Variants in GNAQ observed in about 807,000 individuals in gnomAD.
GNAQ encodes the protein guanine nucleotide-binding protein G(q) subunit alpha.
Under a neutral mutation model 43.9 loss-of-function variants are expected in GNAQ, and 8 were observed. That is an observed-to-expected ratio of 0.18 (90% CI 0.11 to 0.33). The LOEUF (loss-of-function observed/expected upper bound fraction) is 0.33, where lower values mean the gene tolerates loss of function less well. Ranked by LOEUF, GNAQ falls within the 10% of genes least tolerant of loss-of-function variation. The pLI, the probability that GNAQ is intolerant of heterozygous loss-of-function variation, is 1.00. For missense variants in GNAQ, 158 were observed against 450.8 expected, an observed-to-expected ratio of 0.35 and a Z score of 5.88; for synonymous variants, 155 against 170.7, an observed-to-expected ratio of 0.91 and a Z score of 0.71.
At chr9:77,824,874 A>C (rs1827169295) in intron 2 of GNAQ, among the ~76,000 whole-genome samples, 1 of 152,214 alleles carries the variant, frequency 6.6e-6, no homozygotes. Context: ...TACATGCATA[A>C]GAAAACCTGG....
At chr9:77,823,717 A>C (rs1827149726) in intron 2 of GNAQ, among the ~76,000 whole-genome samples, 1 of 152,172 alleles carries the variant, frequency 6.6e-6, no homozygotes, top group South Asian at 2.1e-4. Context: ...TTAAACGATC[A>C]GATCTCATGA....
chr9:77,880,443 T>C (rs1828189625), intron 2 of GNAQ, among the ~76,000 whole-genome samples: 1 of 152,166 alleles, frequency 6.6e-6, no homozygotes, highest in Admixed American at 6.5e-5. Flanking sequence ...TGCAGTGTTG[T>C]GATCCTAGCT....
At chr9:77,775,166 T>C (rs1826287990) in intron 5 of GNAQ, among the ~76,000 whole-genome samples, 1 of 152,184 alleles carries the variant, frequency 6.6e-6, no homozygotes, top group South Asian at 2.1e-4. Flanking sequence ...TCTGAATTTG[T>C]TAATCGATTT....
At chr9:77,802,628 T>C (rs183425961) in intron 3 of GNAQ, among the ~76,000 whole-genome samples, 1 of 152,258 alleles carries the variant, frequency 6.6e-6, no homozygotes, top group East Asian at 1.9e-4. Context: ...TAATTTGTTT[T>C]GTAGGAATGA....
At chr9:77,778,327 C>G (rs935876847) in intron 5 of GNAQ, among the ~76,000 whole-genome samples, 2 of 151,798 alleles carry the variant, frequency 1.3e-5, no homozygotes, top group African/African-American at 4.8e-5. Flanking sequence ...TTACAAGGTA[C>G]TTGTGCTACC....
chr9:77,897,792 G>A (rs1828527495), intron 2 of GNAQ, among the ~76,000 whole-genome samples: 1 of 152,144 alleles, frequency 6.6e-6, no homozygotes, highest in African/African-American at 2.4e-5. Flanking sequence ...CACAATGTGA[G>A]GCTGGAAGGC....
At chr9:77,733,779 A>G (rs1370293300) in intron 5 of GNAQ, among the ~76,000 whole-genome samples, 1 of 152,230 alleles carries the variant, frequency 6.6e-6, no homozygotes, top group Non-Finnish European at 1.5e-5. Flanking sequence ...GGTAGGCCCA[A>G]AGCAGTGATA....
chr9:77,828,334 A>G (rs1314764391), intron 2 of GNAQ, among the ~76,000 whole-genome samples: 1 of 152,124 alleles, frequency 6.6e-6, no homozygotes, highest in Non-Finnish European at 1.5e-5. Context: ...ATCAGAAACA[A>G]TCTGAGTGTG....
At chr9:77,928,719 T>C (rs1032609366) in intron 1 of GNAQ, among the ~76,000 whole-genome samples, 3 of 152,184 alleles carry the variant, frequency 2.0e-5, no homozygotes, top group Non-Finnish European at 4.4e-5. Context: ...ATTTGTACAC[T>C]TTAAAATGGT....
chr9:77,828,946 T>C (rs1239104438), intron 2 of GNAQ, among the ~76,000 whole-genome samples: 1 of 152,170 alleles, frequency 6.6e-6, no homozygotes, highest in Non-Finnish European at 1.5e-5. Flanking sequence ...ATTTAACCAG[T>C]GGTATGGCAT....
chr9:77,870,617 GC>G (rs1279027623), intron 2 of GNAQ, among the ~76,000 whole-genome samples: 4 of 151,600 alleles, frequency 2.6e-5, no homozygotes, highest in African/African-American at 7.3e-5. Flanking sequence ...GAGCCACCGC[GC>G]CCCGCCTTTG....
At chr9:77,925,356 G>C (rs537806380) in intron 1 of GNAQ, among the ~76,000 whole-genome samples, 54 of 152,216 alleles carry the variant, frequency 3.5e-4, no homozygotes, top group Admixed American at 1.4e-3. Context: ...TCATTCTCAT[G>C]ACACACTTCT....
intron 1 of GNAQ, among the ~76,000 whole-genome samples, chr9:77,996,773 C>T (rs1823575353): frequency 6.6e-6 from 1 of 151,832 alleles, no homozygotes. Flanking sequence ...TTTGCTTACA[C>T]ACATAAAATT....
chr9:77,979,073 T>G (rs1823336926), intron 1 of GNAQ, among the ~76,000 whole-genome samples: 1 of 151,440 alleles, frequency 6.6e-6, no homozygotes. Flanking sequence ...AAAATAAAAA[T>G]TCGGCTGGGT....
intron 1 of GNAQ, among the ~76,000 whole-genome samples, chr9:77,982,753 T>C (rs1438339358): frequency 2.3e-5 from 3 of 130,196 alleles, no homozygotes; most frequent in Admixed American, 7.5e-5. Context: ...AAAAAAAAAG[T>C]CAAAACCACA....
intron 1 of GNAQ, among the ~76,000 whole-genome samples, chr9:77,952,319 A>G (rs114531607): frequency 0.011 from 1,622 of 152,262 alleles, 22 homozygotes; most frequent in African/African-American, 0.036. Flanking sequence ...AATCTTTTTA[A>G]TTTTACCTTC....
intron 2 of GNAQ, among the ~76,000 whole-genome samples, chr9:77,870,140 T>C (rs1035141872): frequency 4.6e-5 from 7 of 152,162 alleles, no homozygotes; most frequent in Non-Finnish European, 1.0e-4. Context: ...TTTTCAACAC[T>C]GAGACAAAAA....
intron 1 of GNAQ, among the ~76,000 whole-genome samples, chr9:77,951,736 C>T (rs79783644): frequency 1.1e-3 from 168 of 152,274 alleles, no homozygotes; most frequent in African/African-American, 3.7e-3. Context: ...CCCAACCTTA[C>T]GATTCTCTCT....
intron 2 of GNAQ, among the ~76,000 whole-genome samples, chr9:77,849,005 T>C (rs1388243345): frequency 3.3e-5 from 5 of 152,048 alleles, no homozygotes; most frequent in African/African-American, 4.8e-5. Context: ...AGAAGAAAAA[T>C]GTGTGGTGAC....
Sources: allele counts gnomAD v4.1 joint callset (sites outside exome capture counted in the v4.1 genomes callset), GRCh38; gene constraint gnomAD v4.1.1; transcripts MANE v1.5; gene names NCBI Gene and HGNC (gene_info 2026-07-23, HGNC 2026-07-21).